The following CTNNA3 variants were observed in gnomAD, a reference collection of about 807,000 sequenced individuals.
CTNNA3 encodes the protein catenin alpha 3.
Under a neutral mutation model 95.7 loss-of-function variants are expected in CTNNA3, and 76 were observed. The ratio of observed to expected loss-of-function variants is 0.79; its 90% CI spans 0.66 to 0.96. The LOEUF (loss-of-function observed/expected upper bound fraction) is 0.96, where lower values mean the gene tolerates loss of function less well. Among genes scored for constraint, CTNNA3 ranks in the 40% least tolerant of loss-of-function variants. The probability of loss-of-function intolerance (pLI) is 0.00; values close to 1 mark genes in which losing one functional copy is unlikely to be tolerated. For missense variants in CTNNA3, 1,191 were observed against 1,089.8 expected (o/e 1.09, Z -1.31); for synonymous variants, 431 against 374.4 (o/e 1.15, Z -1.74).
intron 15 of CTNNA3, among the ~76,000 whole-genome samples, chr10:66,039,813 T>A (rs941788506): frequency 6.6e-6 from 1 of 152,122 alleles, no homozygotes; most frequent in Non-Finnish European, 1.5e-5. Context: ...TTTGGACATA[T>A]GAACGGGCAA....
chr10:66,394,883 T>A (rs72804779), intron 11 of CTNNA3, among the ~76,000 whole-genome samples: 1,888 of 152,084 alleles, frequency 0.012, 32 homozygotes, highest in Middle Eastern at 0.044. Context: ...ATATGACACA[T>A]ATAGCAGAAA....
intron 10 of CTNNA3, among the ~76,000 whole-genome samples, chr10:66,604,210 T>C (rs893877167): frequency 6.6e-6 from 1 of 151,758 alleles, no homozygotes; most frequent in Non-Finnish European, 1.5e-5. Context: ...AACCAGAACA[T>C]ATAAGGAACT....
chr10:66,972,207 T>C lies in CTNNA3; in HGVS notation c.1048-196683A>G, dbSNP rs75993679. Among the ~76,000 whole-genome samples the C allele has an allele frequency of 8.7e-4, 133 of 152,346 alleles. 1 individual carries two copies. In the East Asian group the frequency reaches 0.017, roughly 19 times the overall value. ...AGTTTCACTGGAATGAACAAAGATT[T>C]CTTTCTCTCACAGGCTAAAGTTTTC... On this transcript the variant is annotated intron_variant, in intron 7 of 17. Coordinates refer to ENST00000433211, the MANE Select transcript of CTNNA3 (RefSeq NM_013266.4).
chr10:67,203,735 A>G (rs1207125309), intron 6 of CTNNA3, among the ~76,000 whole-genome samples: 2 of 152,184 alleles, frequency 1.3e-5, no homozygotes, highest in African/African-American at 2.4e-5. Flanking sequence ...AATCTTCCAC[A>G]ATACCTGTTT....
chr10:66,446,131 T>C (rs1003320382), intron 11 of CTNNA3, among the ~76,000 whole-genome samples: 24 of 152,084 alleles, frequency 1.6e-4, no homozygotes. Flanking sequence ...CAGGAAAAAG[T>C]TGAATCTCTG....
intron 6 of CTNNA3, among the ~76,000 whole-genome samples, chr10:67,217,035 C>G (rs1864400672): frequency 1.3e-5 from 2 of 152,158 alleles, no homozygotes; most frequent in Non-Finnish European, 2.9e-5. Flanking sequence ...AGGTTTCATA[C>G]TCACACCCAG....
At chr10:67,104,157 C>G (rs1376471090) in intron 7 of CTNNA3, among the ~76,000 whole-genome samples, 1 of 151,506 alleles carries the variant, frequency 6.6e-6, no homozygotes, top group East Asian at 1.9e-4. Context: ...CCAATTTTAC[C>G]AAAAACTATA....
Position 67,468,792 on chromosome 10 carries a change from C to A in CTNNA3, c.579+53050G>T, listed in dbSNP as rs35715375. Among the ~76,000 whole-genome samples the A allele has an allele frequency of 0.026, 4,027 of 152,188 alleles. 387 individuals carry two copies. The East Asian group carries it at 0.34, about 13-fold the overall frequency. On this transcript the variant is annotated intron_variant, in intron 5 of 17. Transcript: ENST00000433211. ...TACCAGGTAGATGAAAGCTGCCCAGCAACCGGGAACACACACATTGGATTA... is the reference window on the plus strand; with the variant it reads ...TACCAGGTAGATGAAAGCTGCCCAGAAACCGGGAACACACACATTGGATTA...
chr10:66,426,353 A>G (rs1412594850), intron 11 of CTNNA3, among the ~76,000 whole-genome samples: 2 of 152,118 alleles, frequency 1.3e-5, no homozygotes, highest in Non-Finnish European at 2.9e-5. Flanking sequence ...ATTTATTTAA[A>G]GGTAGAAGTG....
At chr10:66,597,965 C>T (rs894865426) in intron 10 of CTNNA3, among the ~76,000 whole-genome samples, 3 of 151,630 alleles carry the variant, frequency 2.0e-5, no homozygotes, top group Non-Finnish European at 2.9e-5. Flanking sequence ...TATTAGACAC[C>T]GTTAGAAAAG....
At chr10:67,250,840 G>A (rs1866080813) in intron 5 of CTNNA3, among the ~76,000 whole-genome samples, 2 of 152,200 alleles carry the variant, frequency 1.3e-5, no homozygotes, top group African/African-American at 2.4e-5. Flanking sequence ...TTGTTGGCAA[G>A]GATGTGGAGG....
intron 5 of CTNNA3, among the ~76,000 whole-genome samples, chr10:67,330,087 T>C (rs920178125): frequency 6.6e-6 from 1 of 152,222 alleles, no homozygotes; most frequent in African/African-American, 2.4e-5. Context: ...TTATATGTCA[T>C]TAATCTTACT....
chr10:66,487,041 T>C (rs1839753297), intron 11 of CTNNA3, among the ~76,000 whole-genome samples: 1 of 152,036 alleles, frequency 6.6e-6, no homozygotes, highest in Non-Finnish European at 1.5e-5. Flanking sequence ...TGCCATGGGA[T>C]GGGATAAAGG....
intron 7 of CTNNA3, among the ~76,000 whole-genome samples, chr10:66,951,028 T>G (rs1564789582): frequency 6.6e-6 from 1 of 152,074 alleles, no homozygotes; most frequent in Non-Finnish European, 1.5e-5. Flanking sequence ...GACAAGTCAT[T>G]TTGCCTTGCT....
chr10:66,717,221 C>A (rs1021504306), intron 9 of CTNNA3, among the ~76,000 whole-genome samples: 8 of 152,206 alleles, frequency 5.3e-5, no homozygotes, highest in Middle Eastern at 3.4e-3. Context: ...TCAGACCTGC[C>A]AGCCCCCGCC....
chr10:67,521,791 A>T (rs773749911), intron 5 of CTNNA3, 51 bp downstream of exon 5: 2 of 1,577,888 alleles, frequency 1.3e-6, no homozygotes, highest in East Asian at 2.2e-5. Context: ...GCAGGATGGC[A>T]GGAAGCCTAA....
Position 67,233,298 on chromosome 10 carries a change from TATAAC to T in CTNNA3, c.580-13433_580-13429del, listed in dbSNP as rs1300624179. 5.3e-5 allele frequency among the ~76,000 whole-genome samples: 8 copies of T among 151,428 alleles called. No homozygotes were observed. The South Asian group carries it at 1.7e-3, about 32-fold the overall frequency. On this transcript the variant is annotated intron_variant, in intron 5 of 17. Coordinates refer to ENST00000433211, the MANE Select transcript of CTNNA3 (RefSeq NM_013266.4). Reference sequence around the variant, plus strand: ...TCAGCAAATGTAAAAGAACAGAAATTATAACAAACTATCTCTCAGACCACAGTGCA... The same window carrying T: ...TCAGCAAATGTAAAAGAACAGAAATTAAACTATCTCTCAGACCACAGTGCA...
intron 7 of CTNNA3, among the ~76,000 whole-genome samples, chr10:66,797,199 A>G (rs1841235480): frequency 6.6e-6 from 1 of 151,924 alleles, no homozygotes; most frequent in African/African-American, 2.4e-5. Context: ...AGTCCCAACT[A>G]AAGGTCTACT....
chr10:66,660,235 A>G (rs1846216721), intron 9 of CTNNA3, among the ~76,000 whole-genome samples: 1 of 152,138 alleles, frequency 6.6e-6, no homozygotes, highest in Non-Finnish European at 1.5e-5. Context: ...AAGAATGGAG[A>G]AAGGGGCTTT....
Sources: gnomAD v4.1 joint callset for allele counts (sites outside exome capture counted in the v4.1 genomes callset) on GRCh38, gnomAD v4.1.1 for gene constraint, MANE v1.5 for transcripts, NCBI Gene and HGNC (gene_info 2026-07-23, HGNC 2026-07-21) for gene names.